RBBP8: variants seen among roughly 807,000 people sequenced by gnomAD.
RBBP8 encodes RB binding protein 8, endonuclease, also known as DNA endonuclease RBBP8.
RBBP8 carries 88 observed loss-of-function variants against 108.3 expected under a neutral mutation model. The observed-to-expected ratio is 0.81, with a 90% CI of 0.68 to 0.97. RBBP8 has a LOEUF of 0.97. RBBP8 is among the 50% of genes least tolerant of loss of function. The pLI, the probability that RBBP8 is intolerant of heterozygous loss-of-function variation, is 0.00. For synonymous variants in RBBP8, 332 were observed against 348.2 expected (o/e 0.95, Z 0.52); for missense variants, 1,023 against 1,049.0 (o/e 0.98, Z 0.34).
chr18:22,968,703 C>T, intron 4 of RBBP8, 103 bp from the exon 5 acceptor site: 1 of 857,854 alleles, frequency 1.2e-6, no homozygotes, highest in Non-Finnish European at 1.9e-6. Flanking sequence ...TTGATTTTCA[C>T]AGTATTTGCC....
intron 3 of RBBP8, among the ~76,000 whole-genome samples, chr18:22,920,101 T>C (rs181348008): frequency 1.6e-4 from 24 of 152,044 alleles, no homozygotes; most frequent in African/African-American, 4.8e-4. Flanking sequence ...GGTAAGCGGA[T>C]TGCTTGAGCC....
chr18:22,934,449 A>G (rs1214263807), intron 1 of RBBP8, among the ~76,000 whole-genome samples: 1 of 151,720 alleles, frequency 6.6e-6, no homozygotes, highest in Non-Finnish European at 1.5e-5. Flanking sequence ...TTCATTTTAA[A>G]CTGTTGACTT....
At chr18:22,917,568 A>G (rs1792083989) in intron 3 of RBBP8, among the ~76,000 whole-genome samples, 1 of 152,228 alleles carries the variant, frequency 6.6e-6, no homozygotes, top group Admixed American at 6.5e-5. Flanking sequence ...ACTATATAAT[A>G]CATTTCAACA....
chr18:23,018,606 T>C lies in RBBP8; in HGVS notation c.2454+1682T>C, dbSNP rs867081998. 5.3e-5 allele frequency among the ~76,000 whole-genome samples: 8 copies of C among 152,178 alleles called. No individual in the cohort carries two copies. The East Asian group carries it at 1.3e-3, about 26-fold the overall frequency. On this transcript the variant is annotated intron_variant, in intron 17 of 18. Transcript: ENST00000327155. ...GCTTTAAATTACCTCTAATTACTTA[T>C]AATCCCTATTACAATGTAAATGCTT...
intron 17 of RBBP8, among the ~76,000 whole-genome samples, chr18:23,019,873 C>T (rs576419098): frequency 5.0e-4 from 76 of 151,358 alleles, no homozygotes; most frequent in African/African-American, 1.7e-3. Context: ...ACCATTCTCC[C>T]GCCTCAGCCT....
chr18:22,969,653 C>T (rs1439396530), intron 5 of RBBP8, among the ~76,000 whole-genome samples: 3 of 152,168 alleles, frequency 2.0e-5, no homozygotes, highest in Admixed American at 2.0e-4. Context: ...TAGCTTTATT[C>T]TGCTCCCAGA....
chr18:22,960,140 A>C (rs1273736525), intron 4 of RBBP8, among the ~76,000 whole-genome samples: 1 of 151,808 alleles, frequency 6.6e-6, no homozygotes, highest in African/African-American at 2.4e-5. Flanking sequence ...TGATCCGCCC[A>C]CCTCGGCCTC....
intron 15 of RBBP8, among the ~76,000 whole-genome samples, chr18:23,003,529 G>A (rs373976613): frequency 1.2e-4 from 19 of 152,184 alleles, no homozygotes; most frequent in Middle Eastern, 3.4e-3. Context: ...CTGCTCTCTC[G>A]TTACACATTG....
intron 6 of RBBP8, among the ~76,000 whole-genome samples, chr18:22,976,483 C>T (rs1914505853): frequency 6.6e-6 from 1 of 152,086 alleles, no homozygotes; most frequent in Non-Finnish European, 1.5e-5. Flanking sequence ...TGGCAGAATG[C>T]TGTTTATAGT....
chr18:23,001,640 A>C lies in RBBP8; in HGVS notation c.2198A>C (p.His733Pro), dbSNP rs1416627974. 6.2e-7 allele frequency: 1 copy of C among 1,614,120 alleles called. No homozygotes were observed. The highest frequency in any genetic ancestry group is 1.7e-5 in the Admixed American group (1 of 60,022). ...GAAGATATGTTTGATCGGACAACAC[A>C]TGAAGAGTATGAATCCTGTTTGGCA... ...SLEDMFDRTT[H>P]EEYESCLADS... Residue 733 changes from histidine to proline, a missense_variant, in exon 15 of 19, where the codon CAT becomes CCT. Coordinates refer to ENST00000327155, the MANE Select transcript of RBBP8 (RefSeq NM_002894.3).
chr18:22,917,734 C>T (rs1004335250), intron 3 of RBBP8, among the ~76,000 whole-genome samples: 1 of 152,146 alleles, frequency 6.6e-6, no homozygotes, highest in Non-Finnish European at 1.5e-5. Flanking sequence ...GGCGCAGTGG[C>T]TCACTCCTGT....
intron 6 of RBBP8, among the ~76,000 whole-genome samples, chr18:22,976,080 C>T (rs1298348882): frequency 6.6e-6 from 1 of 152,038 alleles, no homozygotes; most frequent in Non-Finnish European, 1.5e-5. Context: ...ACAAAAACTT[C>T]AGTAAAACTA....
At position 22,984,922 on chromosome 18, in the gene RBBP8, A is replaced by G. The variant is rs1376039620; in HGVS notation, c.641A>G (p.Gln214Arg). Reference sequence around the variant, plus strand: ...GTTTCCAAGTCTTCAACTCATCCACAACATAATCCTAATGAAAATGAAATT... The same window carrying G: ...GTTTCCAAGTCTTCAACTCATCCACGACATAATCCTAATGAAAATGAAATT... ...RKVSKSSTHP[Q>R]HNPNENEILV... Residue 214 changes from glutamine to arginine, a missense_variant, in exon 8 of 19, where the codon CAA becomes CGA. Transcript: ENST00000327155. The G allele has an allele frequency of 1.2e-6, 2 of 1,610,726 alleles. No individual in the cohort carries two copies. The highest frequency in any genetic ancestry group is 1.7e-6 in the Non-Finnish European group (2 of 1,177,614).
intron 6 of RBBP8, among the ~76,000 whole-genome samples, chr18:22,980,910 G>A (rs1390411355): frequency 3.5e-5 from 5 of 142,296 alleles, no homozygotes; most frequent in Admixed American, 1.4e-4. Flanking sequence ...CGTAGCAATA[G>A]GGTTTTGCCT....
At chr18:22,999,554 T>G (rs1567990441) in intron 14 of RBBP8, among the ~76,000 whole-genome samples, 1 of 151,806 alleles carries the variant, frequency 6.6e-6, no homozygotes, top group Admixed American at 6.6e-5. Flanking sequence ...TAAAGCGAAA[T>G]GAACAGGCCC....
chr18:22,996,462 G>A lies in RBBP8; in HGVS notation c.2028G>A (p.Lys676=), dbSNP rs781252414. The change falls in exon 13 of 19, where the codon AAG becomes AAA. Residue 676 remains lysine, a splice_region_variant and synonymous_variant. Transcript: ENST00000327155. The part of the protein sequence containing the change: ...YKMDVTVIDT[K]DGSQSKLGGE... ...TGGATGTTACTGTAATAGATACAAA[G>A]GTAAGTTAAAAAGTAAAACCAAAAC... 4 of 1,613,148 alleles carry A rather than the reference G, an allele frequency of 2.5e-6. No homozygotes were observed. The highest frequency in any genetic ancestry group is 3.3e-4 in the Middle Eastern group (2 of 6,038).
intron 13 of RBBP8, 58 bp downstream of exon 13, chr18:22,996,520 C>G (rs1013026968): frequency 5.6e-6 from 9 of 1,594,162 alleles, no homozygotes; most frequent in Non-Finnish European, 6.8e-6. Flanking sequence ...AGTTGTTAGT[C>G]AACCTCCTCT....
At chr18:22,957,155 G>T (rs1350240651) in intron 4 of RBBP8, among the ~76,000 whole-genome samples, 1 of 152,106 alleles carries the variant, frequency 6.6e-6, no homozygotes, top group Non-Finnish European at 1.5e-5. Flanking sequence ...GTTATTCATA[G>T]ATTTGAATTT....
At chr18:22,974,695 A>G (rs896416722) in intron 5 of RBBP8, among the ~76,000 whole-genome samples, 6 of 152,092 alleles carry the variant, frequency 3.9e-5, no homozygotes, top group Non-Finnish European at 5.9e-5. Context: ...CCTCACCTCA[A>G]ATGATCCACC....
Sources: allele counts gnomAD v4.1 joint callset (sites outside exome capture counted in the v4.1 genomes callset), GRCh38; gene constraint gnomAD v4.1.1; transcripts MANE v1.5; gene names NCBI Gene and HGNC (gene_info 2026-07-23, HGNC 2026-07-21).